The following PCDH9 variants were observed in gnomAD, a reference collection of about 807,000 sequenced individuals.
PCDH9 encodes protocadherin 9, also known as protocadherin-9.
A neutral mutation model predicts 70.6 loss-of-function variants in PCDH9; 24 were observed. The ratio of observed to expected loss-of-function variants is 0.34; its 90% CI spans 0.25 to 0.48. The LOEUF (loss-of-function observed/expected upper bound fraction) is 0.48, where lower values mean the gene tolerates loss of function less well. Among genes scored for constraint, PCDH9 ranks in the 20% least tolerant of loss-of-function variants. The pLI is 0.99. For missense variants in PCDH9, 1,281 were observed against 1,503.6 expected (o/e 0.85, Z 2.45); for synonymous variants, 562 against 558.5 (o/e 1.01, Z -0.09).
intron 4 of PCDH9, among the ~76,000 whole-genome samples, chr13:66,322,921 T>G (rs1955780312): frequency 6.6e-6 from 1 of 152,014 alleles, no homozygotes; most frequent in Non-Finnish European, 1.5e-5. Flanking sequence ...TTTTAAAAAA[T>G]TCTTCTAATC....
In PCDH9 at chr13:67,022,463, C is replaced by A. The variant is rs1366143493; in HGVS notation, c.3037-118858G>T. Among the ~76,000 whole-genome samples the A allele has an allele frequency of 2.6e-5, 4 of 152,120 alleles. No homozygotes were observed. The East Asian group carries it at 7.7e-4, about 29-fold the overall frequency. Reference sequence around the variant, plus strand: ...TAGAGACTTGAATATTGAATCAAAACCACAGAAGATTATGTTATTACAGCA... The same window carrying A: ...TAGAGACTTGAATATTGAATCAAAAACACAGAAGATTATGTTATTACAGCA... On this transcript the variant is annotated intron_variant, in intron 2 of 4. Transcript: ENST00000377865.
At chr13:66,365,266 C>A (rs1334222223) in intron 4 of PCDH9, among the ~76,000 whole-genome samples, 1 of 152,146 alleles carries the variant, frequency 6.6e-6, no homozygotes, top group Non-Finnish European at 1.5e-5. Flanking sequence ...CATCTAACGG[C>A]TCTTGTAGTC....
intron 3 of PCDH9, among the ~76,000 whole-genome samples, chr13:66,649,974 C>CA (rs1384409715): frequency 1.4e-5 from 2 of 147,736 alleles, no homozygotes; most frequent in Non-Finnish European, 3.0e-5. Flanking sequence ...AAAAAAAACA[C>CA]AAACACACAA....
At chr13:66,634,216 T>C (rs907559730) in intron 3 of PCDH9, among the ~76,000 whole-genome samples, 1 of 152,188 alleles carries the variant, frequency 6.6e-6, no homozygotes, top group Non-Finnish European at 1.5e-5. Context: ...ATTGGCAGAT[T>C]TGTGCACAAT....
chr13:66,576,347 T>C (rs1022310134), intron 4 of PCDH9, among the ~76,000 whole-genome samples: 1 of 152,062 alleles, frequency 6.6e-6, no homozygotes, highest in South Asian at 2.1e-4. Flanking sequence ...TGTGTACATA[T>C]ATATTTTTTA....
At chr13:66,715,776 C>A (rs556723280) in intron 3 of PCDH9, among the ~76,000 whole-genome samples, 24 of 152,218 alleles carry the variant, frequency 1.6e-4, no homozygotes, top group African/African-American at 5.8e-4. Flanking sequence ...ATAACAAAAA[C>A]CAATAGATCA....
In PCDH9 at chr13:66,876,321, A is replaced by G. The variant is rs574656136; in HGVS notation, c.3138+27183T>C. Among the ~76,000 whole-genome samples, 75 of 152,288 alleles carry G rather than the reference A, an allele frequency of 4.9e-4. 2 individuals carry two copies. The South Asian group carries it at 0.014, about 29-fold the overall frequency. On this transcript the variant is annotated intron_variant, in intron 3 of 4. Transcript: ENST00000377865. ...CATAAACATAAGATCATAACTACAG[A>G]TCAGATATTCAGTTACTGCTGATTA...
chr13:66,626,459 G>T lies in PCDH9; in HGVS notation c.3340+4751C>A, dbSNP rs558578141. Among the ~76,000 whole-genome samples the T allele has an allele frequency of 4.6e-5, 7 of 152,236 alleles. No individual in the cohort carries two copies. The South Asian group carries it at 1.4e-3, about 32-fold the overall frequency. On this transcript the variant is annotated intron_variant, in intron 4 of 4. Transcript: ENST00000377865. ...AGCAATTTCCCAAAGAGTCCAGGAG[G>T]ACTGGAATGAAGGCAGTCTCATTTG...
chr13:67,167,900 T>C (rs2088166509), intron 2 of PCDH9, among the ~76,000 whole-genome samples: 1 of 152,084 alleles, frequency 6.6e-6, no homozygotes, highest in Non-Finnish European at 1.5e-5. Flanking sequence ...CCTGCAATAA[T>C]CAGAAACCAT....
intron 2 of PCDH9, among the ~76,000 whole-genome samples, chr13:67,148,798 A>C (rs1162178847): frequency 6.6e-6 from 1 of 152,224 alleles, no homozygotes; most frequent in Non-Finnish European, 1.5e-5. Context: ...TACATGTTAA[A>C]TGGCAAAAAT....
At chr13:66,547,208 A>G (rs761116594) in intron 4 of PCDH9, among the ~76,000 whole-genome samples, 4 of 152,214 alleles carry the variant, frequency 2.6e-5, no homozygotes, top group African/African-American at 9.6e-5. Flanking sequence ...ATTACCTACT[A>G]TTGAGATCAC....
intron 4 of PCDH9, among the ~76,000 whole-genome samples, chr13:66,605,108 T>C (rs951366753): frequency 7.9e-5 from 12 of 152,082 alleles, no homozygotes; most frequent in Non-Finnish European, 1.2e-4. Context: ...GTTTATGCTA[T>C]ACCACATATA....
At chr13:66,527,370 G>T (rs140149559) in intron 4 of PCDH9, among the ~76,000 whole-genome samples, 1 of 151,838 alleles carries the variant, frequency 6.6e-6, no homozygotes, top group East Asian at 1.9e-4. Context: ...TCATCACTTT[G>T]TGTGTTAGAT....
intron 4 of PCDH9, among the ~76,000 whole-genome samples, chr13:66,389,966 A>C (rs1201128607): frequency 6.6e-6 from 1 of 152,120 alleles, no homozygotes; most frequent in Admixed American, 6.6e-5. Context: ...CACACACACA[A>C]AATTATTTTT....
At chr13:67,103,275 A>G (rs149337600) in intron 2 of PCDH9, among the ~76,000 whole-genome samples, 1 of 152,306 alleles carries the variant, frequency 6.6e-6, no homozygotes, top group African/African-American at 2.4e-5. Context: ...ATATGTGAAA[A>G]TAATTGGGGA....
At chr13:66,805,321 G>A (rs573307789) in intron 3 of PCDH9, among the ~76,000 whole-genome samples, 5 of 152,216 alleles carry the variant, frequency 3.3e-5, no homozygotes, top group South Asian at 4.1e-4. Flanking sequence ...GCAGTCAAAC[G>A]TATTCAGGAT....
chr13:66,538,505 G>A (rs927145772), intron 4 of PCDH9, among the ~76,000 whole-genome samples: 1 of 152,132 alleles, frequency 6.6e-6, no homozygotes, highest in Non-Finnish European at 1.5e-5. Flanking sequence ...ATACATAGTG[G>A]AAGCTCACAA....
intron 4 of PCDH9, among the ~76,000 whole-genome samples, chr13:66,450,062 G>A (rs1593999280): frequency 6.6e-6 from 1 of 152,150 alleles, no homozygotes; most frequent in East Asian, 1.9e-4. Flanking sequence ...ATTCATTTTG[G>A]AAGAGTTTAT....
chr13:66,618,359 C>T (rs183174339), intron 4 of PCDH9, among the ~76,000 whole-genome samples: 152 of 152,174 alleles, frequency 1.0e-3, no homozygotes, highest in Non-Finnish European at 1.9e-3. Flanking sequence ...CACTAATATG[C>T]GTAATTCTCA....
Sources: allele counts gnomAD v4.1 joint callset (sites outside exome capture counted in the v4.1 genomes callset), GRCh38; gene constraint gnomAD v4.1.1; transcripts MANE v1.5; gene names NCBI Gene and HGNC (gene_info 2026-07-23, HGNC 2026-07-21).